MYO3A: variants seen among roughly 807,000 people sequenced by gnomAD.
The protein encoded by MYO3A is myosin-IIIa.
In MYO3A, 180 loss-of-function variants were observed where a neutral mutation model predicts 192.7. The ratio of observed to expected loss-of-function variants is 0.93; its 90% CI spans 0.83 to 1.06. The LOEUF (loss-of-function observed/expected upper bound fraction) is 1.06. Ranked by LOEUF, MYO3A falls within the 50% of genes least tolerant of loss-of-function variation. MYO3A has a pLI of 0.00. For synonymous variants in MYO3A, 628 were observed against 645.3 expected (o/e 0.97, Z 0.41); for missense variants, 1,896 against 1,905.0 (o/e 1.00, Z 0.09).
At chr10:26,019,215 TTCTATTTATTTATTTA>T (rs1307584702) in intron 7 of MYO3A, among the ~76,000 whole-genome samples, 54 of 145,668 alleles carry the variant, frequency 3.7e-4, no homozygotes, top group African/African-American at 1.1e-3. Flanking sequence ...TTTCTGGTTA[TTCTATTTATTTATTTA>T]TTTATTTATT....
At chr10:25,995,551 T>C (rs140714832) in intron 4 of MYO3A, among the ~76,000 whole-genome samples, 2,298 of 152,362 alleles carry the variant, frequency 0.015, 71 homozygotes, top group African/African-American at 0.052. Context: ...GGTGAGGAGC[T>C]GCGTTCCTTT....
chr10:26,112,314 G>C (rs559245418), intron 17 of MYO3A, among the ~76,000 whole-genome samples: 5 of 152,158 alleles, frequency 3.3e-5, no homozygotes, highest in Non-Finnish European at 5.9e-5. Context: ...GTGATTCTCC[G>C]AGGGTGTGGT....
chr10:25,952,127 G>GA lies in MYO3A; in HGVS notation c.22dup (p.Thr8AsnfsTer5). ...ACCTTTGAGATGTTTCCATTAATTG[G>GA]AAAAACAATCATCTTTGATAACTTT... On this transcript the variant is annotated frameshift_variant, in exon 3 of 35. Coordinates refer to ENST00000642920, the MANE Select transcript of MYO3A (RefSeq NM_017433.5). LOFTEE classifies it high-confidence loss of function. 2 of 1,611,284 alleles carry GA rather than the reference G, an allele frequency of 1.2e-6. No homozygotes were observed. Among genetic ancestry groups the GA allele is most frequent in the East Asian group, 2.2e-5 (1 of 44,676 alleles).
rs147918803 is a variant in MYO3A at position 26,203,199 on chromosome 10, C to A, written c.4730+92C>A. 1,936 of 1,338,330 alleles carry A rather than the reference C, an allele frequency of 1.4e-3. 20 individuals carry two copies. In the African/African-American group the frequency reaches 0.024, roughly 17 times the overall value. The allele number at this position is 1,338,330 out of a possible 1,614,324, so 82.9% of individuals were successfully genotyped here. Reference sequence around the variant, plus strand: ...TTTCACTTTATATATAGATGAATGACAAAGCACTCTTACTGAATATTGCAT... The same window carrying A: ...TTTCACTTTATATATAGATGAATGAAAAAGCACTCTTACTGAATATTGCAT... On this transcript the variant is annotated intron_variant, in intron 34 of 34. Transcript: ENST00000642920.
intron 4 of MYO3A, among the ~76,000 whole-genome samples, chr10:25,983,028 T>C (rs777801168): frequency 2.6e-5 from 4 of 151,974 alleles, no homozygotes; most frequent in Non-Finnish European, 5.9e-5. Flanking sequence ...GGAGTCCAAC[T>C]TAAAGAAATT....
intron 17 of MYO3A, among the ~76,000 whole-genome samples, chr10:26,104,737 C>G (rs1018261211): frequency 1.4e-4 from 21 of 151,684 alleles, no homozygotes; most frequent in African/African-American, 4.3e-4. Flanking sequence ...TTTTTTTGTT[C>G]AGCTCCCTCT....
intron 4 of MYO3A, among the ~76,000 whole-genome samples, chr10:25,982,213 G>T (rs185275524): frequency 9.2e-5 from 14 of 152,030 alleles, no homozygotes; most frequent in Non-Finnish European, 1.9e-4. Context: ...GAACTACACC[G>T]TCATGCCCCA....
chr10:26,043,622 C>G (rs757934913), intron 10 of MYO3A, among the ~76,000 whole-genome samples: 1 of 152,194 alleles, frequency 6.6e-6, no homozygotes, highest in African/African-American at 2.4e-5. Flanking sequence ...GGGAGTACTG[C>G]CACGCTACCA....
chr10:26,060,998 A>G (rs35321191), intron 10 of MYO3A, among the ~76,000 whole-genome samples: 71,370 of 151,230 alleles, frequency 0.47, 17,644 homozygotes, highest in Middle Eastern at 0.58. Flanking sequence ...GTGCAATCTC[A>G]GCTCACTGCA....
rs180953846 is a variant in MYO3A, at chr10:26,036,764, C to A, written c.953+10232C>A. Among the ~76,000 whole-genome samples the A allele has an allele frequency of 1.0e-3, 155 of 152,320 alleles. 1 individual carries two copies. The highest frequency in any genetic ancestry group is 6.8e-3 in the East Asian group (35 of 5,184). On this transcript the variant is annotated intron_variant, in intron 10 of 34. Coordinates refer to ENST00000642920, the MANE Select transcript of MYO3A (RefSeq NM_017433.5). ...ATACTGTAGCCCCTGGGGCCACTTGCTGGTTGCTGAACCTGCTATGCATCT... is the reference window on the plus strand; with the variant it reads ...ATACTGTAGCCCCTGGGGCCACTTGATGGTTGCTGAACCTGCTATGCATCT...
intron 20 of MYO3A, among the ~76,000 whole-genome samples, chr10:26,135,735 G>A (rs77934028): frequency 0.097 from 14,789 of 152,104 alleles, 789 homozygotes; most frequent in Non-Finnish European, 0.12. Flanking sequence ...AGCACTTTGG[G>A]AGGCTGAATC....
chr10:25,979,454 G>T (rs1329073538), intron 4 of MYO3A, among the ~76,000 whole-genome samples: 1 of 149,626 alleles, frequency 6.7e-6, no homozygotes, highest in African/African-American at 2.5e-5. Context: ...GAAAAAAGTT[G>T]ATAAATTTGA....
intron 34 of MYO3A, among the ~76,000 whole-genome samples, chr10:26,206,741 G>A (rs28838032): frequency 1.8e-4 from 28 of 152,086 alleles, no homozygotes; most frequent in Non-Finnish European, 2.2e-4. Context: ...GAGCCACCGC[G>A]CCCAGCCTGA....
At chr10:26,039,746 T>G (rs141911768) in intron 10 of MYO3A, among the ~76,000 whole-genome samples, 138 of 152,260 alleles carry the variant, frequency 9.1e-4, no homozygotes, top group African/African-American at 3.3e-3. Context: ...TCAATTCTGA[T>G]TTTACTTAAT....
intron 19 of MYO3A, among the ~76,000 whole-genome samples, chr10:26,127,040 G>C (rs1373725157): frequency 6.6e-6 from 1 of 151,988 alleles, no homozygotes; most frequent in East Asian, 1.9e-4. Context: ...CATTTGTCTG[G>C]GTCTTTCCCT....
At chr10:26,026,584 G>A (rs1170461198) in intron 10 of MYO3A, 52 bp downstream of exon 10, 1 of 1,601,818 alleles carries the variant, frequency 6.2e-7, no homozygotes, top group South Asian at 1.1e-5. Flanking sequence ...GAAAGATTTT[G>A]AACAGTTTAA....
chr10:25,960,020 C>G (rs1161679416), intron 4 of MYO3A, among the ~76,000 whole-genome samples: 1 of 152,082 alleles, frequency 6.6e-6, no homozygotes. Context: ...CGCAAAAGAA[C>G]CACACAAAGG....
intron 4 of MYO3A, among the ~76,000 whole-genome samples, chr10:25,990,205 G>T (rs959012134): frequency 1.3e-5 from 2 of 151,908 alleles, no homozygotes; most frequent in African/African-American, 2.4e-5. Context: ...CCCTGTTTTG[G>T]GTGTGGGGAG....
In MYO3A at chr10:25,937,231, G is replaced by A. The variant is rs1588621195; in HGVS notation, c.-18+1401G>A. 2.0e-5 allele frequency among the ~76,000 whole-genome samples: 3 copies of A among 152,284 alleles called. No individual in the cohort carries two copies. The South Asian group carries it at 6.2e-4, about 32-fold the overall frequency. On this transcript the variant is annotated intron_variant, in intron 2 of 34. Coordinates refer to ENST00000642920, the MANE Select transcript of MYO3A (RefSeq NM_017433.5). Reference sequence around the variant, plus strand: ...AGCCAGGATGAGTTGCCCACTTTGGGTGGGGTATACATTCTCCACTTTGCC... The same window carrying A: ...AGCCAGGATGAGTTGCCCACTTTGGATGGGGTATACATTCTCCACTTTGCC...
Sources: gnomAD v4.1 joint callset for allele counts (sites outside exome capture counted in the v4.1 genomes callset) on GRCh38, gnomAD v4.1.1 for gene constraint, MANE v1.5 for transcripts, NCBI Gene and HGNC (gene_info 2026-07-23, HGNC 2026-07-21) for gene names.